Variants in EHBP1 observed in about 807,000 individuals in gnomAD.
EHBP1 encodes the protein EH domain binding protein 1, also known as EH domain-binding protein 1.
In EHBP1, 55 loss-of-function variants were observed where a neutral mutation model predicts 144.0. That is an observed-to-expected ratio of 0.38 (90% CI 0.31 to 0.48). The LOEUF (loss-of-function observed/expected upper bound fraction) is 0.48. EHBP1 is among the 20% of genes least tolerant of loss of function. The pLI is 0.98. For missense variants in EHBP1, 1,200 were observed against 1,364.2 expected (o/e 0.88, Z 1.90); for synonymous variants, 469 against 472.7 (o/e 0.99, Z 0.10).
intron 2 of EHBP1, among the ~76,000 whole-genome samples, chr2:62,709,868 C>A (rs1451507195): frequency 6.6e-6 from 1 of 152,026 alleles, no homozygotes; most frequent in Non-Finnish European, 1.5e-5. Flanking sequence ...AGATCAGGAA[C>A]AAAAACGAGA....
intron 7 of EHBP1, among the ~76,000 whole-genome samples, chr2:62,857,955 G>A (rs552469963): frequency 6.6e-6 from 1 of 151,014 alleles, no homozygotes; most frequent in African/African-American, 2.4e-5. Flanking sequence ...TACTTATTAT[G>A]TATATAATCC....
chr2:62,855,881 G>A (rs2049014351), intron 7 of EHBP1, among the ~76,000 whole-genome samples: 1 of 152,136 alleles, frequency 6.6e-6, no homozygotes, highest in Non-Finnish European at 1.5e-5. Context: ...GGGTCGACCT[G>A]CCTGTAAAGA....
chr2:63,025,096 A>C (rs1450887998), intron 19 of EHBP1, among the ~76,000 whole-genome samples: 1 of 152,236 alleles, frequency 6.6e-6, no homozygotes, highest in East Asian at 1.9e-4. Flanking sequence ...TTAAAAGATT[A>C]GTTTCCATCA....
intron 12 of EHBP1, among the ~76,000 whole-genome samples, chr2:62,947,359 A>G (rs889939679): frequency 6.6e-6 from 1 of 152,220 alleles, no homozygotes; most frequent in Non-Finnish European, 1.5e-5. Flanking sequence ...TTCATTCTCA[A>G]TTGTTACATA....
At chr2:62,764,585 C>CATAGT (rs1448664271) in intron 4 of EHBP1, among the ~76,000 whole-genome samples, 1 of 152,052 alleles carries the variant, frequency 6.6e-6, no homozygotes, top group Non-Finnish European at 1.5e-5. Context: ...GATCAGCTGA[C>CATAGT]ATAGTTCTTT....
chr2:62,942,680 A>C (rs755376854), intron 10 of EHBP1, 38 bp from the exon 11 acceptor site: 2 of 1,521,018 alleles, frequency 1.3e-6, no homozygotes, highest in East Asian at 4.6e-5. Context: ...TCTTCCATTA[A>C]ATTCTTTTAA....
intron 4 of EHBP1, among the ~76,000 whole-genome samples, chr2:62,765,884 C>G (rs1327709481): frequency 6.6e-6 from 1 of 152,114 alleles, no homozygotes; most frequent in Non-Finnish European, 1.5e-5. Flanking sequence ...GTCCTAAGTG[C>G]ATCATGGAAA....
chr2:62,955,850 C>A (rs2057667957), intron 14 of EHBP1, 190 bp downstream of exon 14: 6 of 489,504 alleles, frequency 1.2e-5, no homozygotes, highest in Admixed American at 4.2e-5. Flanking sequence ...TCCTACAGAG[C>A]AGTGTTAGTG....
chr2:62,713,802 T>C (rs1041773121), intron 2 of EHBP1, among the ~76,000 whole-genome samples: 13 of 152,266 alleles, frequency 8.5e-5, no homozygotes, highest in Admixed American at 2.6e-4. Flanking sequence ...TTGATGTTAC[T>C]TGTTTGTAAT....
intron 3 of EHBP1, 90 bp downstream of exon 3, chr2:62,747,542 C>A: frequency 1.0e-6 from 1 of 998,016 alleles, no homozygotes; most frequent in Non-Finnish European, 1.5e-6. Flanking sequence ...TAAAATATTA[C>A]TTGATGTTTT....
At chr2:62,966,439 C>T (rs1271702690) in intron 14 of EHBP1, among the ~76,000 whole-genome samples, 3 of 152,148 alleles carry the variant, frequency 2.0e-5, no homozygotes, top group Non-Finnish European at 2.9e-5. Context: ...ACCTTTTATA[C>T]ATTTTAAATG....
chr2:62,767,461 G>C (rs1018404692), intron 4 of EHBP1, among the ~76,000 whole-genome samples: 19 of 152,030 alleles, frequency 1.2e-4, no homozygotes, highest in Non-Finnish European at 2.2e-4. Context: ...ACTTTGGGAG[G>C]CTGAGGTGGG....
chr2:63,037,628 C>T lies in EHBP1; in HGVS notation c.3197C>T (p.Ser1066Phe). Residue 1066 changes from serine (S) to phenylalanine (F), a missense_variant, in exon 20 of 23, where the codon TCT becomes TTT. Coordinates refer to ENST00000431489, the MANE Select transcript of EHBP1 (RefSeq NM_001142616.3). ...NALIRRMNQL[S>F]LLEKEHDLER... Reference sequence around the variant, plus strand: ...TTAATAAGGAGAATGAATCAGCTCTCTCTTCTGTAAGTACTCATCATTATG... The same window carrying T: ...TTAATAAGGAGAATGAATCAGCTCTTTCTTCTGTAAGTACTCATCATTATG... 7.6e-6 allele frequency: 12 copies of T among 1,582,432 alleles called. No individual in the cohort carries two copies. Among genetic ancestry groups the T allele is most frequent in the Non-Finnish European group, 1.0e-5 (12 of 1,156,672 alleles).
Position 62,864,878 on chromosome 2 carries a change from C to G in EHBP1, c.905C>G (p.Pro302Arg). 6.2e-7 allele frequency: 1 copy of G among 1,613,988 alleles called. No individual in the cohort carries two copies. The highest frequency in any genetic ancestry group is 1.1e-5 in the South Asian group (1 of 91,074). ...TTTGTGACCATAAAGGATTCTCCTC[C>G]CCAGTCTACAAAAAGAAAAAATATA... ...EAFVTIKDSP[P>R]QSTKRKNIRP... is the part of the protein sequence containing the mutation. Residue 302 changes from proline to arginine, a missense_variant, in exon 9 of 23, where the codon CCC (proline) becomes CGC (arginine). Physicochemically the swap from Pro to Arg is moderately radical, Grantham distance 103. Coordinates refer to ENST00000431489, the MANE Select transcript of EHBP1 (RefSeq NM_001142616.3).
intron 5 of EHBP1, among the ~76,000 whole-genome samples, chr2:62,783,272 G>T (rs775082843): frequency 6.6e-6 from 1 of 152,140 alleles, no homozygotes; most frequent in Non-Finnish European, 1.5e-5. Flanking sequence ...AGTGTCTGTG[G>T]CTTTTCCAGG....
chr2:62,758,723 AT>A (rs933531536), intron 3 of EHBP1, among the ~76,000 whole-genome samples: 4 of 151,820 alleles, frequency 2.6e-5, no homozygotes, highest in East Asian at 3.9e-4. Context: ...ATCCTCACCA[AT>A]TTTTTTTCAT....
rs1005708079 is a variant in EHBP1 at position 63,042,093 on chromosome 2, T to G, written c.3278-2973T>G. ...ATGCAGCATCAAAACTTAATCCTAT[T>G]TGTTACAAGAGGATATGGCTTTTGT... is the stretch of plus-strand genomic sequence containing the variant. On this transcript the variant is annotated intron_variant, in intron 21 of 22. Transcript: ENST00000431489. Among the ~76,000 whole-genome samples, 8 of 152,290 alleles carry G rather than the reference T, an allele frequency of 5.3e-5. 1 individual carries two copies. The highest frequency in any genetic ancestry group is 2.0e-4 in the Admixed American group (3 of 15,304).
At chr2:62,729,295 A>G (rs1030673864) in intron 2 of EHBP1, among the ~76,000 whole-genome samples, 1 of 132,928 alleles carries the variant, frequency 7.5e-6, no homozygotes, top group Non-Finnish European at 1.5e-5. Context: ...TGCACATATA[A>G]TATTTTATAA....
At chr2:62,821,438 T>A (rs1573530794) in intron 5 of EHBP1, among the ~76,000 whole-genome samples, 1 of 152,088 alleles carries the variant, frequency 6.6e-6, no homozygotes, top group Non-Finnish European at 1.5e-5. Context: ...CCTGTAATCC[T>A]AGCACTTTGG....
Sources: allele counts gnomAD v4.1 joint callset (sites outside exome capture counted in the v4.1 genomes callset), GRCh38; gene constraint gnomAD v4.1.1; transcripts MANE v1.5; gene names NCBI Gene and HGNC (gene_info 2026-07-23, HGNC 2026-07-21).